SEPTIN10: variants seen among roughly 807,000 people sequenced by gnomAD.
SEPTIN10 encodes the protein septin 10, also known as septin-10.
Under a neutral mutation model 54.8 loss-of-function variants are expected in SEPTIN10, and 66 were observed. The observed-to-expected ratio is 1.21, with a 90% CI of 0.99 to 1.48. The LOEUF (loss-of-function observed/expected upper bound fraction) is 1.48, where lower values mean the gene tolerates loss of function less well. SEPTIN10 is among the 40% of genes most tolerant of loss of function. SEPTIN10 has a pLI of 0.00. For synonymous variants in SEPTIN10, 161 were observed against 181.0 expected, an observed-to-expected ratio of 0.89 and a Z score of 0.89; for missense variants, 620 against 545.6, an observed-to-expected ratio of 1.14 and a Z score of -1.36.
chr2:109,560,016 G>T (rs1298282150), intron 8 of SEPTIN10, among the ~76,000 whole-genome samples: 4 of 150,356 alleles, frequency 2.7e-5, no homozygotes, highest in Admixed American at 2.0e-4. Context: ...TGCCTCCTAG[G>T]TTCACGCCAT....
rs573097462 is a variant in SEPTIN10, at chr2:109,576,738, G to A, written c.414-1971C>T. On this transcript the variant is annotated intron_variant, in intron 4 of 10. Coordinates refer to ENST00000397712, the MANE Select transcript of SEPTIN10 (RefSeq NM_144710.5). ...CTTATGCTATTCAAGCATGAAAACC[G>A]TAAAGATTTTCTGCTAAATAAATAA... is the stretch of plus-strand genomic sequence containing the variant. 1.4e-4 allele frequency among the ~76,000 whole-genome samples: 22 copies of A among 152,182 alleles called. No homozygotes were observed. In the South Asian group the frequency reaches 2.5e-3, roughly 17 times the overall value.
chr2:109,546,351 G>A (rs1405262856), intron 9 of SEPTIN10, 114 bp from the exon 10 acceptor site: 1 of 551,288 alleles, frequency 1.8e-6, no homozygotes, highest in African/African-American at 1.9e-5. Flanking sequence ...AACCTACACA[G>A]TCAAAATCTT....
At chr2:109,578,451 A>C (rs571650487) in intron 4 of SEPTIN10, among the ~76,000 whole-genome samples, 11 of 152,364 alleles carry the variant, frequency 7.2e-5, no homozygotes, top group Admixed American at 5.2e-4. Context: ...GGATAAAATA[A>C]AAATGGAGAT....
At chr2:109,544,430 T>C in intron 10 of SEPTIN10, 106 bp from the exon 11 acceptor site, 1 of 1,420,884 alleles carries the variant, frequency 7.0e-7, no homozygotes, top group Non-Finnish European at 9.2e-7. Flanking sequence ...CATGGGACTT[T>C]GAAAAAGAAA....
rs925501417 is a variant in SEPTIN10 at position 109,567,846 on chromosome 2, T to C, written c.731A>G (p.Asp244Gly). 5.6e-6 allele frequency: 9 copies of C among 1,611,456 alleles called. No individual in the cohort carries two copies. Among genetic ancestry groups the C allele is most frequent in the Non-Finnish European group, 7.6e-6 (9 of 1,179,146 alleles). Residue 244 changes from aspartate to glycine, a missense_variant, in exon 6 of 11, where the codon GAC becomes GGC. Physicochemically the swap from Asp to Gly is moderately conservative, Grantham distance 94 (BLOSUM62 -1). Transcript: ENST00000397712. ...VQIYQFPTDD[D>G]TIAKVNAAMN... Reference sequence around the variant, plus strand: ...TGCAGCGTTGACCTTAGCAATAGTGTCATCATCCGTTGGGAACTGGTATAT... The same window carrying C: ...TGCAGCGTTGACCTTAGCAATAGTGCCATCATCCGTTGGGAACTGGTATAT...
chr2:109,585,328 C>T lies in SEPTIN10; in HGVS notation c.218-7G>A, dbSNP rs1692246936. On this transcript the variant is annotated splice_polypyrimidine_tract_variant and splice_region_variant and intron_variant, in intron 3 of 10. Coordinates refer to ENST00000397712, the MANE Select transcript of SEPTIN10 (RefSeq NM_144710.5). ...TTTCCAATTCCAGTTTCCCCTGAAA[C>T]ACACAAAGGTACATCTTTATGGTTG... is the stretch of plus-strand genomic sequence containing the variant. The T allele has an allele frequency of 2.9e-5, 46 of 1,591,786 alleles. No individual in the cohort carries two copies. The highest frequency in any genetic ancestry group is 3.9e-5 in the Non-Finnish European group (46 of 1,168,190).
chr2:109,547,370 T>TG (rs1681539663), intron 9 of SEPTIN10, among the ~76,000 whole-genome samples: 1 of 49,822 alleles, frequency 2.0e-5, no homozygotes. Context: ...AATAAACTTG[T>TG]TTTTTTTTTT....
chr2:109,547,439 C>G (rs1573362660), intron 9 of SEPTIN10, among the ~76,000 whole-genome samples: 2 of 120,382 alleles, frequency 1.7e-5, no homozygotes, highest in Admixed American at 1.0e-4. Context: ...AGGGGTTATT[C>G]TTCCCGTATA....
chr2:109,589,949 GATTT>G (rs1011615667), intron 2 of SEPTIN10, among the ~76,000 whole-genome samples: 1 of 151,746 alleles, frequency 6.6e-6, no homozygotes, highest in Non-Finnish European at 1.5e-5. Context: ...TCCCAATAGT[GATTT>G]ATTTACTGAG....
At chr2:109,565,036 T>G (rs1196248499) in intron 7 of SEPTIN10, among the ~76,000 whole-genome samples, 7 of 152,234 alleles carry the variant, frequency 4.6e-5, no homozygotes, top group Non-Finnish European at 1.5e-5. Context: ...CTATTCAAAA[T>G]TAGTGAACAC....
rs1680396205 is a variant in SEPTIN10, at chr2:109,543,235, C to T, written c.*1074G>A. 1 of 152,450 alleles carries T rather than the reference C, an allele frequency of 6.6e-6. No homozygotes were observed. The highest frequency in any genetic ancestry group is 6.5e-5 in the Admixed American group (1 of 15,270). The allele number at this position is 152,450 out of a possible 1,614,324, so 9.4% of individuals were successfully genotyped here. On this transcript the variant is annotated 3_prime_UTR_variant, in exon 11 of 11. Transcript: ENST00000397712. ...AAGTATTTTTAATAAAATGATTCAA[C>T]CTTATTATTTTTACCCTGGAAGACA...
intron 4 of SEPTIN10, among the ~76,000 whole-genome samples, chr2:109,583,994 G>C (rs1691843232): frequency 6.6e-6 from 1 of 152,098 alleles, no homozygotes; most frequent in Non-Finnish European, 1.5e-5. Flanking sequence ...TACTAGAGTG[G>C]GAAGGAAGAT....
Position 109,544,051 on chromosome 2 carries a change from G to T in SEPTIN10, c.*258C>A. ...TTTCCACTTGTGGGGTCAAGTCAGT[G>T]CTCAAAAAGATTCAGATTTTGAAGC... On this transcript the variant is annotated 3_prime_UTR_variant, in exon 11 of 11. Coordinates refer to ENST00000397712, the MANE Select transcript of SEPTIN10 (RefSeq NM_144710.5). 1 of 1,129,020 alleles carries T rather than the reference G, an allele frequency of 8.9e-7. No homozygotes were observed. The highest frequency in any genetic ancestry group is 1.3e-6 in the Non-Finnish European group (1 of 794,234). 69.9% of individuals were successfully genotyped at this position (1,129,020 alleles called of 1,614,324 possible). A position where few individuals can be genotyped will look rare whatever the true frequency, so the allele number is the denominator to read the frequency against.
intron 1 of SEPTIN10, among the ~76,000 whole-genome samples, chr2:109,609,669 C>T (rs1698809371): frequency 1.4e-5 from 2 of 146,236 alleles, no homozygotes; most frequent in African/African-American, 5.0e-5. Context: ...AACTTCAAGA[C>T]AGAAAGTAAA....
rs1686390030 is a variant in SEPTIN10 at position 109,564,296 on chromosome 2, C to T, written c.1028+70G>A. On this transcript the variant is annotated intron_variant, in intron 8 of 10. Transcript: ENST00000397712. ...TCTAAAGAACACATGCCCCATCATC[C>T]TGGATATATAAAAATATGCAATCCT... 3.7e-6 allele frequency: 5 copies of T among 1,350,940 alleles called. No individual in the cohort carries two copies. In the Admixed American group the frequency reaches 1.3e-4, roughly 35 times the overall value. The allele number at this position is 1,350,940 out of a possible 1,614,324, so 83.7% of individuals were successfully genotyped here.
rs993544317 is a variant in SEPTIN10, at chr2:109,544,225, A to G, written c.*84T>C. 3.7e-6 allele frequency: 6 copies of G among 1,611,228 alleles called. No individual in the cohort carries two copies. The African/African-American group carries it at 6.7e-5, about 18-fold the overall frequency. Reference sequence around the variant, plus strand: ...AAATATAGAAGTGATAAAACAAATAACAGCAAAATCAAAGCACACTTCTAG... The same window carrying G: ...AAATATAGAAGTGATAAAACAAATAGCAGCAAAATCAAAGCACACTTCTAG... On this transcript the variant is annotated 3_prime_UTR_variant, in exon 11 of 11. Transcript: ENST00000397712.
chr2:109,590,683 C>T lies in SEPTIN10; in HGVS notation c.99+2368G>A, dbSNP rs540523771. Among the ~76,000 whole-genome samples the T allele has an allele frequency of 1.9e-3, 286 of 152,266 alleles. 1 individual carries two copies. Among genetic ancestry groups the T allele is most frequent in the African/African-American group, 6.6e-3 (274 of 41,556 alleles). ...ACCTCAGGTGATCCACTCGTCTGGG[C>T]CTCCCAAAGTGCTAGGATTACAGGT... On this transcript the variant is annotated intron_variant, in intron 2 of 10. Transcript: ENST00000397712.
chr2:109,562,072 G>A (rs570814394), intron 8 of SEPTIN10, among the ~76,000 whole-genome samples: 13 of 152,052 alleles, frequency 8.5e-5, no homozygotes, highest in African/African-American at 3.1e-4. Context: ...AATTAGCTGG[G>A]GGTGGTGGTG....
chr2:109,552,703 G>T (rs982771208), intron 9 of SEPTIN10: 3 of 185,150 alleles, frequency 1.6e-5, no homozygotes, highest in African/African-American at 2.4e-5. Context: ...TTTTAGCCTT[G>T]GCACTAACAA....
Sources: gnomAD v4.1 joint callset for allele counts (sites outside exome capture counted in the v4.1 genomes callset) on GRCh38, gnomAD v4.1.1 for gene constraint, MANE v1.5 for transcripts, NCBI Gene and HGNC (gene_info 2026-07-23, HGNC 2026-07-21) for gene names.